Variants in MLF1 observed in about 807,000 individuals in gnomAD.
MLF1 encodes the protein myelodysplasia-myeloid leukemia factor 1.
In MLF1, 37 loss-of-function variants were observed where a neutral mutation model predicts 38.3. That is an observed-to-expected ratio of 0.96 (90% confidence interval 0.74 to 1.27). The LOEUF (loss-of-function observed/expected upper bound fraction) is 1.27. MLF1 is among the 50% of genes most tolerant of loss of function. MLF1 has a pLI of 0.00. For missense variants in MLF1, 331 were observed against 349.2 expected (o/e 0.95, Z 0.42); for synonymous variants, 95 against 106.5 (o/e 0.89, Z 0.66).
intron 3 of MLF1, among the ~76,000 whole-genome samples, chr3:158,594,991 A>G (rs1467991846): frequency 6.6e-6 from 1 of 152,164 alleles, no homozygotes; most frequent in African/African-American, 2.4e-5. Flanking sequence ...CATTCCGCAA[A>G]TATTTATTAA....
intron 1 of MLF1, 117 bp from the exon 2 acceptor site, chr3:158,592,317 C>T: frequency 5.0e-6 from 4 of 792,080 alleles, no homozygotes; most frequent in Non-Finnish European, 7.5e-6. Context: ...TTCTCTTCTA[C>T]TCTTCTTTTA....
chr3:158,579,954 G>C (rs889183456), intron 1 of MLF1, among the ~76,000 whole-genome samples: 1 of 152,130 alleles, frequency 6.6e-6, no homozygotes, highest in Non-Finnish European at 1.5e-5. Flanking sequence ...ACATCAAATG[G>C]TATGAAATCC....
chr3:158,592,371 C>A, intron 1 of MLF1, 63 bp from the exon 2 acceptor site: 1 of 1,405,384 alleles, frequency 7.1e-7, no homozygotes, highest in Non-Finnish European at 9.6e-7. Flanking sequence ...GTAATATTTA[C>A]CTGCCTACTT....
At chr3:158,596,772 G>A (rs1345262234) in intron 3 of MLF1, 90 bp from the exon 4 acceptor site, 1 of 731,688 alleles carries the variant, frequency 1.4e-6, no homozygotes, top group Non-Finnish European at 2.2e-6. Context: ...AAATGAATTG[G>A]AAAAAAATGT....
At chr3:158,578,626 T>G (rs1715849528) in intron 1 of MLF1, among the ~76,000 whole-genome samples, 2 of 152,114 alleles carry the variant, frequency 1.3e-5, no homozygotes, top group South Asian at 4.1e-4. Context: ...ACAATTTATT[T>G]TTCCTGCCTT....
At chr3:158,573,534 T>C (rs1474167611) in intron 1 of MLF1, 3 of 151,976 alleles carry the variant, frequency 2.0e-5, no homozygotes, top group Non-Finnish European at 4.4e-5. Context: ...TATTTATTTT[T>C]GAGTTGTGGG....
chr3:158,576,948 G>T (rs952869338), intron 1 of MLF1, among the ~76,000 whole-genome samples: 1 of 151,998 alleles, frequency 6.6e-6, no homozygotes, highest in Admixed American at 6.6e-5. Context: ...CTGGGATACA[G>T]GCATGAGCCA....
chr3:158,582,393 G>A (rs1258508336), intron 1 of MLF1, among the ~76,000 whole-genome samples: 2 of 151,916 alleles, frequency 1.3e-5, no homozygotes, highest in East Asian at 3.9e-4. Context: ...TGTAATAGGA[G>A]TACCATAGTA....
At chr3:158,588,356 C>A (rs1717576822) in intron 1 of MLF1, among the ~76,000 whole-genome samples, 3 of 152,126 alleles carry the variant, frequency 2.0e-5, no homozygotes, top group African/African-American at 7.2e-5. Flanking sequence ...GTTACAACAG[C>A]AATAGATAAC....
In MLF1 at chr3:158,593,431, G is replaced by C; in HGVS notation, c.240+5G>C. The C allele has an allele frequency of 6.4e-7, 1 of 1,554,250 alleles. No homozygotes were observed. Among genetic ancestry groups the C allele is most frequent in the Non-Finnish European group, 8.7e-7 (1 of 1,155,680 alleles). Reference sequence around the variant, plus strand: ...TTTGGCGATTTTGGTGGTATGGTTCGTATCTTAAGACACAAATCATTTTAG... The same window carrying C: ...TTTGGCGATTTTGGTGGTATGGTTCCTATCTTAAGACACAAATCATTTTAG... On this transcript the variant is annotated splice_donor_5th_base_variant and intron_variant, in intron 3 of 7. Transcript: ENST00000466246.
chr3:158,590,207 G>A (rs1006119235), intron 1 of MLF1, among the ~76,000 whole-genome samples: 1 of 152,186 alleles, frequency 6.6e-6, no homozygotes, highest in Non-Finnish European at 1.5e-5. Context: ...AATGGGGGAA[G>A]TATTTGAAAA....
intron 1 of MLF1, among the ~76,000 whole-genome samples, chr3:158,574,522 A>AC (rs747579065): frequency 2.1e-5 from 3 of 146,094 alleles, no homozygotes; most frequent in South Asian, 2.2e-4. Context: ...AAAAAAAAAA[A>AC]AAAAATACAA....
intron 7 of MLF1, among the ~76,000 whole-genome samples, chr3:158,603,376 T>A (rs1172427265): frequency 6.6e-6 from 1 of 152,242 alleles, no homozygotes; most frequent in East Asian, 1.9e-4. Flanking sequence ...ATTTAGCATT[T>A]AATAGTAAAT....
chr3:158,600,253 C>G, intron 6 of MLF1, 80 bp downstream of exon 6: 1 of 817,618 alleles, frequency 1.2e-6, no homozygotes. Context: ...TTTTTAGAAA[C>G]ATGTCATAAG....
intron 1 of MLF1, 27 bp from the exon 2 acceptor site, chr3:158,592,407 T>C (rs1317191659): frequency 1.3e-6 from 2 of 1,581,690 alleles, no homozygotes; most frequent in East Asian, 2.2e-5. Context: ...ACACTGAATC[T>C]TTCATGATTA....
Position 158,600,029 on chromosome 3 carries a change from A to T in MLF1, c.469A>T (p.Lys157Ter), listed in dbSNP as rs757193863. 8 of 1,407,646 alleles carry T rather than the reference A, an allele frequency of 5.7e-6. No homozygotes were observed. The highest frequency in any genetic ancestry group is 7.4e-6 in the Non-Finnish European group (8 of 1,074,888). The allele number at this position is 1,407,646 out of a possible 1,614,324, so 87.2% of individuals were successfully genotyped here. The part of the protein sequence containing the change: ...RAPGGIKETR[K>*]AMRDSDSGLE... ...ATTTTTACAGATAAAGGAAACCAGG[A>T]AAGCAATGAGAGATTCTGACAGTGG... Residue 157 changes from lysine (K) to a stop codon, truncating the protein, a stop_gained, in exon 6 of 8, where the codon AAA becomes TAA. Transcript: ENST00000466246. LOFTEE classifies it high-confidence loss of function.
chr3:158,577,121 T>A (rs936527407), intron 1 of MLF1, among the ~76,000 whole-genome samples: 5 of 152,206 alleles, frequency 3.3e-5, no homozygotes, highest in Non-Finnish European at 7.3e-5. Context: ...ATATGTATAA[T>A]CTCTATTTTA....
intron 4 of MLF1, 112 bp downstream of exon 4, chr3:158,597,057 A>G (rs55999561): frequency 0.35 from 213,419 of 603,554 alleles, 38,309 homozygotes; most frequent in South Asian, 0.38. Context: ...GATACCTTAC[A>G]TGATTAACCC....
At chr3:158,595,319 T>A (rs1029205056) in intron 3 of MLF1, among the ~76,000 whole-genome samples, 1 of 152,256 alleles carries the variant, frequency 6.6e-6, no homozygotes, top group African/African-American at 2.4e-5. Flanking sequence ...GTGTACAAAA[T>A]TTTTGAAGGC....
Sources: gnomAD v4.1 joint callset for allele counts (sites outside exome capture counted in the v4.1 genomes callset) on GRCh38, gnomAD v4.1.1 for gene constraint, MANE v1.5 for transcripts, NCBI Gene and HGNC (gene_info 2026-07-23, HGNC 2026-07-21) for gene names.